Variants in CD8B2 observed in about 807,000 individuals in gnomAD.
CD8B2 encodes T-cell surface glycoprotein CD8 beta-2 chain.
A neutral mutation model predicts 23.7 loss-of-function variants in CD8B2; 11 were observed. The ratio of observed to expected loss-of-function variants is 0.46; its 90% CI spans 0.29 to 0.77. The LOEUF (loss-of-function observed/expected upper bound fraction) is 0.77. Among genes scored for constraint, CD8B2 ranks in the 30% least tolerant of loss-of-function variants. CD8B2 has a pLI of 0.09. For missense variants in CD8B2, 197 were observed against 270.5 expected (o/e 0.73, Z 1.91); for synonymous variants, 90 against 109.3 (o/e 0.82, Z 1.10).
chr2:106,527,979 T>C (rs1255332274), intron 5 of CD8B2, among the ~76,000 whole-genome samples: 4 of 152,196 alleles, frequency 2.6e-5, no homozygotes, highest in African/African-American at 9.7e-5. Context: ...ATGTCCAGCA[T>C]ATCCTCATTC....
intron 5 of CD8B2, chr2:106,521,438 G>C (rs1238322331): frequency 2.6e-5 from 4 of 152,192 alleles, no homozygotes; most frequent in African/African-American, 9.7e-5. Context: ...TTTACAGGCT[G>C]CTCTTTGTTA....
intron 4 of CD8B2, 80 bp from the exon 5 acceptor site, chr2:106,504,209 G>A (rs1293317567): frequency 1.9e-6 from 3 of 1,546,092 alleles, no homozygotes; most frequent in African/African-American, 2.7e-5. Flanking sequence ...CTGCCCCTGT[G>A]ACAATCCTCC....
chr2:106,521,927 TG>T (rs1407519152), intron 5 of CD8B2: 2 of 152,332 alleles, frequency 1.3e-5, no homozygotes, highest in African/African-American at 4.8e-5. Context: ...GGGTGGGGCC[TG>T]GGGGTCTGCA....
intron 5 of CD8B2, among the ~76,000 whole-genome samples, chr2:106,520,351 C>T (rs1205397187): frequency 2.6e-5 from 4 of 152,166 alleles, no homozygotes; most frequent in Non-Finnish European, 5.9e-5. Context: ...CATTGCCTGC[C>T]TGCCCCACAG....
chr2:106,512,410 C>T (rs1230218073), downstream of CD8B2, among the ~76,000 whole-genome samples: 1 of 152,000 alleles, frequency 6.6e-6, no homozygotes, highest in East Asian at 1.9e-4. Flanking sequence ...ACCATTTCCA[C>T]TCCTGTCCCT....
intron 5 of CD8B2, among the ~76,000 whole-genome samples, chr2:106,537,112 C>T (rs756401562): frequency 2.6e-5 from 4 of 152,166 alleles, no homozygotes; most frequent in South Asian, 2.1e-4. Flanking sequence ...CAGGGAAAAC[C>T]GATGTGGGAG....
chr2:106,531,808 C>T (rs1297982941), intron 5 of CD8B2, among the ~76,000 whole-genome samples: 4 of 152,206 alleles, frequency 2.6e-5, no homozygotes, highest in Non-Finnish European at 5.9e-5. Context: ...TCAAGGTCTA[C>T]ATGAAGGGAA....
intron 3 of CD8B2, among the ~76,000 whole-genome samples, chr2:106,502,043 C>T (rs1040836341): frequency 6.6e-6 from 1 of 151,902 alleles, no homozygotes; most frequent in African/African-American, 2.4e-5. Context: ...GGCCTGTAAT[C>T]CCAGCACTTT....
chr2:106,492,069 G>A (rs1428683159), intron 2 of CD8B2, among the ~76,000 whole-genome samples: 1 of 152,268 alleles, frequency 6.6e-6, no homozygotes, highest in Non-Finnish European at 1.5e-5. Context: ...TGTTCTCTGT[G>A]AGGGCCTACA....
At chr2:106,512,543 C>A (rs1386682631), downstream of CD8B2, among the ~76,000 whole-genome samples, 1 of 152,108 alleles carries the variant, frequency 6.6e-6, no homozygotes, top group Non-Finnish European at 1.5e-5. Flanking sequence ...TGGCTCACTG[C>A]AGCTTTGACC....
At chr2:106,533,092 T>C (rs1304854647) in intron 5 of CD8B2, among the ~76,000 whole-genome samples, 1 of 152,196 alleles carries the variant, frequency 6.6e-6, no homozygotes, top group Non-Finnish European at 1.5e-5. Flanking sequence ...AGGGTCTTAA[T>C]TGTTCTCCAA....
intron 5 of CD8B2, among the ~76,000 whole-genome samples, chr2:106,532,542 C>T (rs1680003684): frequency 6.6e-6 from 1 of 152,204 alleles, no homozygotes; most frequent in Admixed American, 6.5e-5. Context: ...AGAGTAGCCC[C>T]AAGGGCTGCC....
chr2:106,528,622 T>A (rs948277165), intron 5 of CD8B2, among the ~76,000 whole-genome samples: 1 of 152,232 alleles, frequency 6.6e-6, no homozygotes, highest in Non-Finnish European at 1.5e-5. Context: ...GAACAACTCG[T>A]ACAATGAAAA....
At chr2:106,489,699 A>G (rs1373563509) in intron 1 of CD8B2, among the ~76,000 whole-genome samples, 1 of 152,200 alleles carries the variant, frequency 6.6e-6, no homozygotes, top group East Asian at 1.9e-4. Context: ...TACTTCCAGT[A>G]ACAACCCTGT....
intron 2 of CD8B2, among the ~76,000 whole-genome samples, chr2:106,493,967 C>G (rs1186535476): frequency 6.6e-5 from 10 of 152,172 alleles, no homozygotes; most frequent in Non-Finnish European, 1.5e-4. Flanking sequence ...GCTTAGTGCA[C>G]TTTCATCCTA....
At chr2:106,518,257 A>G (rs918063350) in intron 5 of CD8B2, among the ~76,000 whole-genome samples, 2 of 152,242 alleles carry the variant, frequency 1.3e-5, no homozygotes, top group African/African-American at 4.8e-5. Context: ...GAAAGAAAAG[A>G]GGATTAATTA....
chr2:106,541,535 C>T (rs188188761), intron 5 of CD8B2, among the ~76,000 whole-genome samples: 15 of 152,318 alleles, frequency 9.8e-5, no homozygotes, highest in African/African-American at 3.1e-4. Flanking sequence ...AACCAGCAAT[C>T]ACCTGGCCCA....
Position 106,510,402 on chromosome 2 carries a change from T to A in CD8B2, c.*3462T>A, listed in dbSNP as rs1679602411. ...CTTTTTAAAATCCAAGTACAGAACA[T>A]TGTAGAACCGTGTAAAATTGGTATT... On this transcript the variant is annotated 3_prime_UTR_variant, in exon 6 of 6. Coordinates refer to ENST00000643224, the MANE Select transcript of CD8B2 (RefSeq NM_001349727.2). 6.6e-6 allele frequency: 1 copy of A among 152,206 alleles called. No homozygotes were observed. The highest frequency in any genetic ancestry group is 6.5e-5 in the Admixed American group (1 of 15,284). The allele number at this position is 152,206 out of a possible 1,614,324, so 9.4% of individuals were successfully genotyped here.
chr2:106,514,723 C>T (rs1679700221), downstream of CD8B2, among the ~76,000 whole-genome samples: 5 of 145,102 alleles, frequency 3.4e-5, no homozygotes. Flanking sequence ...CCCCACACTG[C>T]TTTTAATATC....
Sources: gnomAD v4.1 joint callset for allele counts (sites outside exome capture counted in the v4.1 genomes callset) on GRCh38, gnomAD v4.1.1 for gene constraint, MANE v1.5 for transcripts, NCBI Gene and HGNC (gene_info 2026-07-23, HGNC 2026-07-21) for gene names.